The following PTPRS variants were observed in gnomAD, a reference collection of about 807,000 sequenced individuals.
PTPRS encodes protein tyrosine phosphatase receptor type S, also known as receptor-type tyrosine-protein phosphatase S.
In PTPRS, 63 loss-of-function variants were observed where a neutral mutation model predicts 215.3. That is an observed-to-expected ratio of 0.29 (90% CI 0.24 to 0.36). PTPRS has a LOEUF of 0.36. Ranked by LOEUF, PTPRS falls within the 10% of genes least tolerant of loss-of-function variation. The pLI is 1.00. For synonymous variants in PTPRS, 1,404 were observed against 1,191.4 expected, an observed-to-expected ratio of 1.18 and a Z score of -3.68; for missense variants, 2,258 against 2,825.8, an observed-to-expected ratio of 0.80 and a Z score of 4.56.
At chr19:5,273,051 G>C (rs1326673176) in intron 4 of PTPRS, 14 of 280,712 alleles carry the variant, frequency 5.0e-5, no homozygotes, top group South Asian at 7.6e-5. Context: ...AAGAGACAGA[G>C]AGTGAGCTCT....
intron 9 of PTPRS, among the ~76,000 whole-genome samples, chr19:5,248,222 C>T (rs971132324): frequency 6.6e-6 from 1 of 151,858 alleles, no homozygotes; most frequent in African/African-American, 2.4e-5. Context: ...GTGGGGGGAG[C>T]TAATTATTCA....
intron 1 of PTPRS, among the ~76,000 whole-genome samples, chr19:5,311,342 C>T (rs1312969528): frequency 1.3e-5 from 2 of 152,116 alleles, no homozygotes; most frequent in African/African-American, 2.4e-5. Context: ...ATGCATTCCA[C>T]GAGGGAAGGG....
intron 9 of PTPRS, among the ~76,000 whole-genome samples, chr19:5,249,037 G>A (rs891220445): frequency 5.0e-4 from 76 of 152,366 alleles, no homozygotes; most frequent in African/African-American, 1.7e-3. Flanking sequence ...GGAGGCAGGC[G>A]CAGTGGCTCA....
intron 26 of PTPRS, 149 bp from the exon 27 acceptor site, chr19:5,215,744 ACT>A: frequency 1.6e-6 from 1 of 636,974 alleles, no homozygotes; most frequent in Non-Finnish European, 2.7e-6. Context: ...GGAGGGGAAG[ACT>A]CAGGGTGGCT....
intron 16 of PTPRS, among the ~76,000 whole-genome samples, chr19:5,226,928 G>A (rs1366623339): frequency 3.9e-5 from 6 of 151,920 alleles, no homozygotes; most frequent in African/African-American, 1.5e-4. Context: ...CATGATTATG[G>A]GCTACTGGGC....
chr19:5,336,854 T>C (rs538622372), intron 1 of PTPRS, among the ~76,000 whole-genome samples: 145 of 152,256 alleles, frequency 9.5e-4, no homozygotes, highest in African/African-American at 3.2e-3. Flanking sequence ...GGGCATCTTT[T>C]GCCGCAGGGA....
At chr19:5,302,123 TGGGAGGCCAA>T (rs1326132806) in intron 1 of PTPRS, among the ~76,000 whole-genome samples, 1 of 151,882 alleles carries the variant, frequency 6.6e-6, no homozygotes, top group Non-Finnish European at 1.5e-5. Flanking sequence ...CGGCCAGCCT[TGGGAGGCCAA>T]GGCAGGAGGA....
intron 4 of PTPRS, among the ~76,000 whole-genome samples, chr19:5,268,004 C>A (rs2046569968): frequency 6.6e-6 from 1 of 152,042 alleles, no homozygotes. Context: ...CCCGTCTCTA[C>A]TAAACTACAA....
chr19:5,297,511 G>C (rs114120666), intron 1 of PTPRS, among the ~76,000 whole-genome samples: 1 of 152,106 alleles, frequency 6.6e-6, no homozygotes, highest in Non-Finnish European at 1.5e-5. Context: ...CTAGTTGCAG[G>C]GGGGATGGAC....
In PTPRS at chr19:5,220,989, G is replaced by A. The variant is rs368932533; in HGVS notation, c.3455+11C>T. Reference sequence around the variant, plus strand: ...GGTGACAAGGAACCCGGAGCATGGGGGTGAGCATACTGGACAGGCACGGGG... The same window carrying A: ...GGTGACAAGGAACCCGGAGCATGGGAGTGAGCATACTGGACAGGCACGGGG... On this transcript the variant is annotated intron_variant, in intron 20 of 37. Coordinates refer to ENST00000262963, the MANE Select transcript of PTPRS (RefSeq NM_002850.4). 2 of 1,598,394 alleles carry A rather than the reference G, an allele frequency of 1.3e-6. No homozygotes were observed. The highest frequency in any genetic ancestry group is 2.2e-5 in the South Asian group (2 of 89,306).
At chr19:5,281,299 A>T (rs1272015643) in intron 2 of PTPRS, among the ~76,000 whole-genome samples, 1 of 151,944 alleles carries the variant, frequency 6.6e-6, no homozygotes, top group African/African-American at 2.4e-5. Flanking sequence ...CATCTCTACT[A>T]AAAATACAAA....
chr19:5,274,120 A>C, intron 3 of PTPRS, 79 bp downstream of exon 3: 2 of 1,531,702 alleles, frequency 1.3e-6, no homozygotes, highest in Non-Finnish European at 1.8e-6. Context: ...GTGTCCACGA[A>C]GTCCACTGTG....
intron 17 of PTPRS, among the ~76,000 whole-genome samples, chr19:5,225,291 G>A (rs1217220508): frequency 6.6e-6 from 1 of 152,108 alleles, no homozygotes; most frequent in African/African-American, 2.4e-5. Flanking sequence ...GGGAAGCACA[G>A]GAGACTAGGG....
intron 1 of PTPRS, among the ~76,000 whole-genome samples, chr19:5,324,705 G>A (rs2159089): frequency 0.19 from 28,832 of 151,912 alleles, 3,000 homozygotes; most frequent in South Asian, 0.29. Flanking sequence ...TCTGAGCCTC[G>A]GTTTCCTTAT....
At chr19:5,236,110 G>A (rs2043422616) in intron 13 of PTPRS, among the ~76,000 whole-genome samples, 1 of 152,208 alleles carries the variant, frequency 6.6e-6, no homozygotes. Flanking sequence ...GTCAACGGTG[G>A]GGAAACCAGA....
At position 5,244,684 on chromosome 19, in the gene PTPRS, T is replaced by C. The variant is rs1377906123; in HGVS notation, c.989-202A>G. Among the ~76,000 whole-genome samples, 1 of 152,204 alleles carries C rather than the reference T, an allele frequency of 6.6e-6. No homozygotes were observed. Among genetic ancestry groups the C allele is most frequent in the Non-Finnish European group, 1.5e-5 (1 of 68,036 alleles). ...GTCCACCCAGTACCCATTTTCTTTT[T>C]TTAATTTTTCTTTGAGATGGAGTCT... On this transcript the variant is annotated intron_variant, in intron 10 of 37. Coordinates refer to ENST00000262963, the MANE Select transcript of PTPRS (RefSeq NM_002850.4). This position sits in a 1 kb window ranked among gnomAD's most constrained non-coding sequence, Gnocchi z 7.2.
chr19:5,319,149 C>T (rs1311055602), intron 1 of PTPRS, among the ~76,000 whole-genome samples: 1 of 152,234 alleles, frequency 6.6e-6, no homozygotes, highest in Non-Finnish European at 1.5e-5. Flanking sequence ...CAGTGGCTCA[C>T]ATCTGGGATC....
intron 9 of PTPRS, among the ~76,000 whole-genome samples, chr19:5,255,552 TC>T (rs1213580539): frequency 1.5e-5 from 2 of 133,722 alleles, no homozygotes; most frequent in Non-Finnish European, 3.2e-5. Context: ...TTTGATTTTT[TC>T]CCCCCAAAAC....
Position 5,241,037 on chromosome 19 carries a change from C to A in PTPRS, c.1571-705G>T, listed in dbSNP as rs934435594. ...CCCAAGTAGCTGGGATTACAGGCACCCGCCACCACGCCCGGCTAACTTTTG... is the reference window on the plus strand; with the variant it reads ...CCCAAGTAGCTGGGATTACAGGCACACGCCACCACGCCCGGCTAACTTTTG... On this transcript the variant is annotated intron_variant, in intron 11 of 37. Transcript: ENST00000262963. Among the ~76,000 whole-genome samples, 4 of 148,980 alleles carry A rather than the reference C, an allele frequency of 2.7e-5. No individual in the cohort carries two copies. In the East Asian group the frequency reaches 6.3e-4, roughly 23 times the overall value.
Sources: allele counts gnomAD v4.1 joint callset (sites outside exome capture counted in the v4.1 genomes callset), GRCh38; gene constraint gnomAD v4.1.1; non-coding constraint Gnocchi (gnomAD v3.1); transcripts MANE v1.5; gene names NCBI Gene and HGNC (gene_info 2026-07-23, HGNC 2026-07-21).